STK4: variants seen among roughly 807,000 people sequenced by gnomAD.
STK4 encodes serine/threonine kinase 4.
A neutral mutation model predicts 64.9 loss-of-function variants in STK4; 30 were observed. The ratio of observed to expected loss-of-function variants is 0.46; its 90% CI spans 0.35 to 0.63. The LOEUF (loss-of-function observed/expected upper bound fraction) is 0.63, where lower values mean the gene tolerates loss of function less well. Among genes scored for constraint, STK4 ranks in the 20% least tolerant of loss-of-function variants. STK4 has a pLI of 0.01. For missense variants in STK4, 466 were observed against 598.5 expected (o/e 0.78, Z 2.31); for synonymous variants, 177 against 199.0 (o/e 0.89, Z 0.93).
intron 9 of STK4, among the ~76,000 whole-genome samples, chr20:45,008,931 T>C (rs1230554961): frequency 6.6e-6 from 1 of 152,176 alleles, no homozygotes; most frequent in African/African-American, 2.4e-5. Context: ...AGATTCTGGA[T>C]ATTAGACCTT....
intron 5 of STK4, among the ~76,000 whole-genome samples, chr20:44,987,921 T>C (rs2067559036): frequency 6.6e-6 from 1 of 151,906 alleles, no homozygotes; most frequent in South Asian, 2.1e-4. Flanking sequence ...TCTTGGGTGG[T>C]AGAATGAATA....
At chr20:44,967,167 TTGG>T (rs1352116591) in intron 1 of STK4, 16 of 985,260 alleles carry the variant, frequency 1.6e-5, no homozygotes, top group Non-Finnish European at 1.9e-5. Flanking sequence ...GAGGATGCTG[TTGG>T]TGGTGTCCCC....
intron 10 of STK4, among the ~76,000 whole-genome samples, chr20:45,064,703 T>C (rs190658627): frequency 1.2e-4 from 18 of 152,332 alleles, no homozygotes; most frequent in Admixed American, 2.6e-4. Context: ...TTTTATTTTT[T>C]TGTGGCTATT....
intron 1 of STK4, among the ~76,000 whole-genome samples, chr20:44,966,863 G>A (rs1350997475): frequency 6.6e-6 from 1 of 152,140 alleles, no homozygotes; most frequent in Non-Finnish European, 1.5e-5. Context: ...GACAAGTTAG[G>A]GAGAGTACCT....
At chr20:44,966,705 G>T in intron 1 of STK4, 102 bp downstream of exon 1, 1 of 1,223,608 alleles carries the variant, frequency 8.2e-7, no homozygotes, top group African/African-American at 1.6e-5. Flanking sequence ...GGAGCTAAGC[G>T]ACCCAGCCGA....
chr20:44,992,856 G>A (rs940219565), intron 5 of STK4, among the ~76,000 whole-genome samples: 11 of 151,744 alleles, frequency 7.2e-5, no homozygotes, highest in African/African-American at 2.4e-4. Flanking sequence ...TACCACACCC[G>A]GCTAATTTTT....
At chr20:45,068,272 C>T (rs1182419570) in intron 10 of STK4, among the ~76,000 whole-genome samples, 1 of 152,208 alleles carries the variant, frequency 6.6e-6, no homozygotes, top group East Asian at 1.9e-4. Context: ...AGCTGCTTCT[C>T]TGACAGGTGT....
intron 9 of STK4, among the ~76,000 whole-genome samples, chr20:45,020,252 CT>C (rs1026642326): frequency 2.9e-4 from 44 of 152,136 alleles, no homozygotes; most frequent in Non-Finnish European, 4.9e-4. Context: ...AAGTGTAAGG[CT>C]TTTCCCCCTC....
chr20:45,000,474 A>G lies in STK4; in HGVS notation c.914A>G (p.Gln305Arg). 3 of 1,614,144 alleles carry G rather than the reference A, an allele frequency of 1.9e-6. No homozygotes were observed. Among genetic ancestry groups the G allele is most frequent in the Non-Finnish European group, 2.5e-6 (3 of 1,179,974 alleles). ...NEAMDVKLKRQESQQREVDQD... is the reference protein window; with the variant it reads ...NEAMDVKLKRRESQQREVDQD... ...GCCATGGATGTGAAACTGAAACGCC[A>G]GGAATCCCAGCAGCGGGAAGTGGAC... The change falls in exon 8 of 11, where the codon CAG becomes CGG. Residue 305 changes from glutamine (Q) to arginine (R), a missense_variant. Gln to Arg is a conservative substitution (Grantham distance 43). Coordinates refer to ENST00000372806, the MANE Select transcript of STK4 (RefSeq NM_006282.5).
chr20:44,974,601 G>C (rs886846958), intron 2 of STK4: 24 of 152,374 alleles, frequency 1.6e-4, no homozygotes, highest in African/African-American at 5.5e-4. Flanking sequence ...CTCCTGAGTA[G>C]CTGGGACTAT....
intron 9 of STK4, among the ~76,000 whole-genome samples, chr20:45,014,726 C>T (rs2068111140): frequency 6.6e-6 from 1 of 152,106 alleles, no homozygotes; most frequent in African/African-American, 2.4e-5. Flanking sequence ...GGCGGTTCTT[C>T]CTCTCAGGAT....
chr20:44,971,875 G>C (rs1191993776), intron 1 of STK4, among the ~76,000 whole-genome samples: 4 of 151,886 alleles, frequency 2.6e-5, no homozygotes, highest in African/African-American at 9.7e-5. Flanking sequence ...GTTTCACCAT[G>C]TTAGCCAGGA....
Position 44,978,446 on chromosome 20 carries a change from C to G in STK4, c.120C>G (p.Ser40=), listed in dbSNP as rs750961060. 1 of 1,613,096 alleles carries G rather than the reference C, an allele frequency of 6.2e-7. No individual in the cohort carries two copies. Among genetic ancestry groups the G allele is most frequent in the South Asian group, 1.1e-5 (1 of 90,886 alleles). The part of the protein sequence containing the change: ...FDVLEKLGEG[S]YGSVYKAIHK... ...TCTTCTTCTCCCAAATGTATAGGTCCTATGGCAGCGTATACAAAGCTATTC... is the reference window on the plus strand; with the variant it reads ...TCTTCTTCTCCCAAATGTATAGGTCGTATGGCAGCGTATACAAAGCTATTC... Residue 40 remains serine, a synonymous_variant, in exon 3 of 11, where the codon TCC becomes TCG. Coordinates refer to ENST00000372806, the MANE Select transcript of STK4 (RefSeq NM_006282.5).
chr20:45,071,764 T>A lies in STK4; in HGVS notation c.1306-3254T>A, dbSNP rs531495563. On this transcript the variant is annotated intron_variant, in intron 10 of 10. Coordinates refer to ENST00000372806, the MANE Select transcript of STK4 (RefSeq NM_006282.5). ...TATAGCTTCTTTATTTTAGTTTATT[T>A]TTATTATTATTTATTTATTTTTGAG... Among the ~76,000 whole-genome samples, 4 of 152,256 alleles carry A rather than the reference T, an allele frequency of 2.6e-5. No homozygotes were observed. The South Asian group carries it at 8.3e-4, about 32-fold the overall frequency.
At chr20:45,026,128 G>GGTTTTT (rs1490924969) in intron 10 of STK4, among the ~76,000 whole-genome samples, 1 of 128,974 alleles carries the variant, frequency 7.8e-6, no homozygotes, top group African/African-American at 3.0e-5. Context: ...TTATCCAGTG[G>GGTTTTT]TTTTTTTTTT....
rs1253890931 is a variant in STK4 at position 45,066,290 on chromosome 20, AG to A, written c.1306-8722del. 3.9e-5 allele frequency among the ~76,000 whole-genome samples: 6 copies of A among 152,254 alleles called. No individual in the cohort carries two copies. The East Asian group carries it at 1.2e-3, about 29-fold the overall frequency. On this transcript the variant is annotated intron_variant, in intron 10 of 10. Transcript: ENST00000372806. ...CCACTGGAATGTATCCCTTGTGGAT[AG>A]GGGGGACTACTGTAATCACAAAAAA...
chr20:45,012,159 C>T (rs1315658216), intron 9 of STK4, among the ~76,000 whole-genome samples: 1 of 151,904 alleles, frequency 6.6e-6, no homozygotes, highest in Non-Finnish European at 1.5e-5. Flanking sequence ...TCTCAACTTC[C>T]CAAGTAACTG....
At chr20:45,019,133 TAAGC>T (rs1327045003) in intron 9 of STK4, among the ~76,000 whole-genome samples, 2 of 152,232 alleles carry the variant, frequency 1.3e-5, no homozygotes, top group Non-Finnish European at 2.9e-5. Context: ...GTTGCAACTT[TAAGC>T]ACTATTGAAT....
chr20:44,985,488 G>A (rs2067515978), intron 4 of STK4, among the ~76,000 whole-genome samples: 1 of 152,094 alleles, frequency 6.6e-6, no homozygotes, highest in African/African-American at 2.4e-5. Flanking sequence ...GATTACAGGT[G>A]CCTGCCACCA....
Sources: allele counts gnomAD v4.1 joint callset (sites outside exome capture counted in the v4.1 genomes callset), GRCh38; gene constraint gnomAD v4.1.1; transcripts MANE v1.5; gene names NCBI Gene and HGNC (gene_info 2026-07-23, HGNC 2026-07-21).